The following NFIB variants were observed in gnomAD, a reference collection of about 807,000 sequenced individuals.
NFIB encodes nuclear factor 1 B-type.
Under a neutral mutation model 61.5 loss-of-function variants are expected in NFIB, and 11 were observed. That is an observed-to-expected ratio of 0.18 (90% confidence interval 0.11 to 0.30). The LOEUF (loss-of-function observed/expected upper bound fraction) is 0.30, where lower values mean the gene tolerates loss of function less well. NFIB is among the 10% of genes least tolerant of loss of function. The pLI is 1.00. For missense variants in NFIB, 471 were observed against 608.9 expected (o/e 0.77, Z 2.38); for synonymous variants, 260 against 216.5 (o/e 1.20, Z -1.76).
intron 2 of NFIB, among the ~76,000 whole-genome samples, chr9:14,228,312 A>T (rs2131901398): frequency 6.6e-6 from 1 of 150,740 alleles, no homozygotes; most frequent in African/African-American, 2.4e-5. Flanking sequence ...TTCCCACCTC[A>T]GCCTCTCGAG....
At chr9:14,521,366 A>G in the NFIB span, among the ~76,000 whole-genome samples, 1 of 152,114 alleles carries the variant, frequency 6.6e-6, no homozygotes, top group African/African-American at 2.4e-5. Context: ...AAGTCCTTTG[A>G]TGTCTTTGGT....
At chr9:14,420,520 C>A in the NFIB span, among the ~76,000 whole-genome samples, 1 of 149,698 alleles carries the variant, frequency 6.7e-6, no homozygotes, top group Non-Finnish European at 1.5e-5. Flanking sequence ...CCACACCAAC[C>A]CCCCAAATAT....
At chr9:14,515,727 C>A in the NFIB span, among the ~76,000 whole-genome samples, 1 of 152,082 alleles carries the variant, frequency 6.6e-6, no homozygotes, top group Non-Finnish European at 1.5e-5. Context: ...CGGGGCCATG[C>A]GAAAATGCAG....
At chr9:14,219,078 T>C (rs990373545) in intron 2 of NFIB, among the ~76,000 whole-genome samples, 6 of 152,132 alleles carry the variant, frequency 3.9e-5, no homozygotes, top group Non-Finnish European at 5.9e-5. Flanking sequence ...ATGAAGCTCA[T>C]GTAGATCACC....
At chr9:14,415,048 A>T in the NFIB span, among the ~76,000 whole-genome samples, 1 of 152,214 alleles carries the variant, frequency 6.6e-6, no homozygotes, top group Non-Finnish European at 1.5e-5. Context: ...CTGGGTCTTT[A>T]GCTCAGGATC....
intron 3 of NFIB, among the ~76,000 whole-genome samples, chr9:14,175,096 T>C (rs2131391200): frequency 6.6e-6 from 1 of 152,080 alleles, no homozygotes; most frequent in East Asian, 1.9e-4. Context: ...TTCTGTTGGC[T>C]TTGATTTCAG....
At chr9:14,447,939 G>C in the NFIB span, among the ~76,000 whole-genome samples, 2 of 152,102 alleles carry the variant, frequency 1.3e-5, no homozygotes, top group African/African-American at 4.8e-5. Flanking sequence ...ATAGAAGGAA[G>C]GCTGATCAAG....
rs1035998543 is a variant in NFIB at position 14,084,531 on chromosome 9, A to T, written c.*3778T>A. ...CACTGCCTTTTATTTTTTTCCTTAG[A>T]CAAGCCTCAAATGCTCACGTCACTC... On this transcript the variant is annotated 3_prime_UTR_variant, in exon 11 of 11. Coordinates refer to ENST00000380953, the MANE Select transcript of NFIB (RefSeq NM_001190737.2). 3 of 226,342 alleles carry T rather than the reference A, an allele frequency of 1.3e-5. No homozygotes were observed. Among genetic ancestry groups the T allele is most frequent in the Non-Finnish European group, 2.6e-5 (3 of 113,584 alleles). The allele number at this position is 226,342 out of a possible 1,614,324, so 14.0% of individuals were successfully genotyped here.
At chr9:14,367,552 C>T (rs1432107677) in intron 1 of NFIB, among the ~76,000 whole-genome samples, 1 of 152,026 alleles carries the variant, frequency 6.6e-6, no homozygotes, top group Admixed American at 6.6e-5. Context: ...TGTGTATTTT[C>T]GTTGATAGGG....
intron 2 of NFIB, among the ~76,000 whole-genome samples, chr9:14,197,434 T>C (rs939698811): frequency 2.6e-5 from 4 of 152,204 alleles, no homozygotes; most frequent in African/African-American, 4.8e-5. Context: ...ATTCTTCCAA[T>C]TGAGTTATTT....
chr9:14,226,757 T>C (rs958348298), intron 2 of NFIB, among the ~76,000 whole-genome samples: 2 of 152,166 alleles, frequency 1.3e-5, no homozygotes, highest in African/African-American at 4.8e-5. Flanking sequence ...TTCGATGGAC[T>C]AATAATTAAA....
At chr9:14,398,694 G>A in exon 1 of NFIB, 1 of 1,204,462 alleles carries the variant, frequency 8.3e-7, no homozygotes, top group Non-Finnish European at 1.1e-6. Flanking sequence ...CGCTGTTTTA[G>A]AATGTTTGCT....
At chr9:14,209,047 T>C (rs571059279) in intron 2 of NFIB, among the ~76,000 whole-genome samples, 1 of 152,338 alleles carries the variant, frequency 6.6e-6, no homozygotes, top group African/African-American at 2.4e-5. Context: ...CCACTATCAC[T>C]TTCTTACATG....
At chr9:14,131,207 A>T (rs1192548326) in intron 6 of NFIB, among the ~76,000 whole-genome samples, 3 of 152,200 alleles carry the variant, frequency 2.0e-5, no homozygotes, top group Non-Finnish European at 4.4e-5. Context: ...TTAGAAACTC[A>T]TCGTGTAGTT....
chr9:14,277,025 C>A (rs1393034212), intron 2 of NFIB, among the ~76,000 whole-genome samples: 1 of 151,944 alleles, frequency 6.6e-6, no homozygotes, highest in Non-Finnish European at 1.5e-5. Context: ...TGTGATCCAC[C>A]TGTTAAAAAA....
the NFIB span, among the ~76,000 whole-genome samples, chr9:14,407,791 T>C: frequency 6.6e-6 from 1 of 152,094 alleles, no homozygotes; most frequent in South Asian, 2.1e-4. Context: ...GCTCAAGCAA[T>C]TGTCCCACCT....
At chr9:14,411,584 G>C in the NFIB span, among the ~76,000 whole-genome samples, 1 of 152,154 alleles carries the variant, frequency 6.6e-6, no homozygotes, top group Non-Finnish European at 1.5e-5. Flanking sequence ...TTAGTGGATT[G>C]AGAGCTACTG....
chr9:14,473,969 T>C, the NFIB span, among the ~76,000 whole-genome samples: 7 of 152,106 alleles, frequency 4.6e-5, no homozygotes, highest in African/African-American at 1.7e-4. Context: ...CTGTGCAGAG[T>C]CTTCAGGAAG....
At chr9:14,252,504 A>C (rs1056335814) in intron 2 of NFIB, among the ~76,000 whole-genome samples, 1 of 152,330 alleles carries the variant, frequency 6.6e-6, no homozygotes, top group East Asian at 1.9e-4. Context: ...AAGGTAAAGA[A>C]GTGTCATGAT....
Sources: gnomAD v4.1 joint callset for allele counts (sites outside exome capture counted in the v4.1 genomes callset) on GRCh38, gnomAD v4.1.1 for gene constraint, MANE v1.5 for transcripts, NCBI Gene and HGNC (gene_info 2026-07-23, HGNC 2026-07-21) for gene names.